The following CNDP2 variants were observed in gnomAD, a reference collection of about 807,000 sequenced individuals.
The protein encoded by CNDP2 is cytosolic non-specific dipeptidase.
In CNDP2, 38 loss-of-function variants were observed where a neutral mutation model predicts 55.0. The ratio of observed to expected loss-of-function variants is 0.69; its 90% CI spans 0.53 to 0.90. CNDP2 has a LOEUF of 0.90. Ranked by LOEUF, CNDP2 falls within the 40% of genes least tolerant of loss-of-function variation. CNDP2 has a pLI of 0.00. For synonymous variants in CNDP2, 241 were observed against 260.2 expected, an observed-to-expected ratio of 0.93 and a Z score of 0.71; for missense variants, 607 against 621.7, an observed-to-expected ratio of 0.98 and a Z score of 0.25.
In CNDP2 at chr18:74,523,184, G is replaced by A. The variant is rs1226110815; in HGVS notation, c.*3116G>A. 3 of 152,238 alleles carry A rather than the reference G, an allele frequency of 2.0e-5. No homozygotes were observed. In the East Asian group the frequency reaches 5.8e-4, roughly 29 times the overall value. 9.4% of individuals were successfully genotyped at this position (152,238 alleles called of 1,614,324 possible). The stretch of plus-strand genomic sequence containing the variant: ...ACTGCTTTATGTTAGAAGCTGAGCT[G>A]GCATGCCACTAGCTGGTTTTGATGT... On this transcript the variant is annotated 3_prime_UTR_variant, in exon 12 of 12. Coordinates refer to ENST00000324262, the MANE Select transcript of CNDP2 (RefSeq NM_018235.3).
chr18:74,511,544 T>TA (rs542260175), intron 6 of CNDP2, among the ~76,000 whole-genome samples: 176 of 151,908 alleles, frequency 1.2e-3, no homozygotes, highest in African/African-American at 4.2e-3. Flanking sequence ...CCGTCTCCAC[T>TA]AAAAATACAA....
intron 1 of CNDP2, among the ~76,000 whole-genome samples, chr18:74,497,295 C>T (rs1256012605): frequency 6.6e-6 from 1 of 152,156 alleles, no homozygotes; most frequent in African/African-American, 2.4e-5. Context: ...CTAGCTTGGG[C>T]AGATTGGAGA....
At position 74,521,327 on chromosome 18, in the gene CNDP2, G is replaced by C. The variant is rs1034648914; in HGVS notation, c.*1259G>C. On this transcript the variant is annotated 3_prime_UTR_variant, in exon 12 of 12. Coordinates refer to ENST00000324262, the MANE Select transcript of CNDP2 (RefSeq NM_018235.3). The stretch of plus-strand genomic sequence containing the variant: ...CCTGCATGTTCCGAGAAGTGTCCCT[G>C]TCTCTGCTCCTTAACGGCTGTGGGG... 4.0e-5 allele frequency: 1 copy of C among 25,084 alleles called. No homozygotes were observed. The highest frequency in any genetic ancestry group is 1.3e-4 in the Non-Finnish European group (1 of 7,810). 1.6% of individuals were successfully genotyped at this position (25,084 alleles called of 1,614,324 possible).
intron 5 of CNDP2, 37 bp downstream of exon 5, chr18:74,508,965 G>A (rs1229510167): frequency 7.1e-6 from 11 of 1,557,062 alleles, no homozygotes; most frequent in Non-Finnish European, 9.7e-6. Flanking sequence ...TGAGTCCTGG[G>A]TTCCATCTGA....
Position 74,519,101 on chromosome 18 carries a change from G to A in CNDP2, c.1358+5G>A. On this transcript the variant is annotated splice_donor_5th_base_variant and intron_variant, in intron 11 of 11. Transcript: ENST00000324262. ...CCAGAATGAAAAGCTCAACAGGTGA[G>A]AGTCCAGGGTGCGGCCCAGGTTGGC... 6.9e-6 allele frequency: 11 copies of A among 1,604,378 alleles called. No individual in the cohort carries two copies. Among genetic ancestry groups the A allele is most frequent in the Non-Finnish European group, 9.4e-6 (11 of 1,172,652 alleles).
chr18:74,501,527 G>C (rs1978700289), intron 3 of CNDP2, 55 bp downstream of exon 3: 1 of 1,542,138 alleles, frequency 6.5e-7, no homozygotes. Flanking sequence ...TGCCTGAGGG[G>C]TTGACAAGAC....
intron 3 of CNDP2, among the ~76,000 whole-genome samples, chr18:74,502,474 T>G (rs1347530665): frequency 6.9e-6 from 1 of 144,690 alleles, no homozygotes; most frequent in Non-Finnish European, 1.5e-5. Context: ...GTCTTTTTGG[T>G]TTTTTTTTTT....
rs763927025 is a variant in CNDP2, at chr18:74,499,935, A to G, written c.-39A>G. The stretch of plus-strand genomic sequence containing the variant: ...GACTGACCAGTTGCTCTTCCTTCCA[A>G]GAACCTTCGAGATCTGCGGTCTGGG... On this transcript the variant is annotated 5_prime_UTR_variant, in exon 2 of 12. Transcript: ENST00000324262. 11 of 1,605,076 alleles carry G rather than the reference A, an allele frequency of 6.9e-6. No homozygotes were observed. The highest frequency in any genetic ancestry group is 3.3e-5 in the Admixed American group (2 of 59,806).
intron 7 of CNDP2, among the ~76,000 whole-genome samples, chr18:74,513,101 C>T (rs1018016215): frequency 2.0e-5 from 3 of 152,248 alleles, no homozygotes; most frequent in East Asian, 1.9e-4. Context: ...GTTTACCCCC[C>T]TCAGCTCAGG....
intron 7 of CNDP2, among the ~76,000 whole-genome samples, chr18:74,513,136 G>C (rs1437510863): frequency 6.6e-6 from 1 of 152,224 alleles, no homozygotes; most frequent in Non-Finnish European, 1.5e-5. Flanking sequence ...TGTGGAATGC[G>C]CATTAAAAAG....
chr18:74,504,917 T>C (rs1978924761), intron 3 of CNDP2: 1 of 152,160 alleles, frequency 6.6e-6, no homozygotes, highest in Non-Finnish European at 1.5e-5. Flanking sequence ...TGACCTGATG[T>C]GAAAACTGGA....
chr18:74,516,092 C>A, intron 8 of CNDP2, 136 bp from the exon 9 acceptor site: 1 of 921,756 alleles, frequency 1.1e-6, no homozygotes, highest in South Asian at 1.7e-5. Flanking sequence ...GACCTCCTGC[C>A]TGTGGTTGTC....
rs1483434954 is a variant in CNDP2 at position 74,522,087 on chromosome 18, T to C, written c.*2019T>C. 1 of 152,212 alleles carries C rather than the reference T, an allele frequency of 6.6e-6. No individual in the cohort carries two copies. Among genetic ancestry groups the C allele is most frequent in the Non-Finnish European group, 1.5e-5 (1 of 68,040 alleles). The allele number at this position is 152,212 out of a possible 1,614,324, so 9.4% of individuals were successfully genotyped here. ...AGTTGGTTTTACGTGGATGTTAATC[T>C]CTTAGTTTTGATCATTGTGCTGTAG... On this transcript the variant is annotated 3_prime_UTR_variant, in exon 12 of 12. Transcript: ENST00000324262.
chr18:74,514,774 T>C (rs1452308478), intron 8 of CNDP2, among the ~76,000 whole-genome samples: 1 of 152,156 alleles, frequency 6.6e-6, no homozygotes. Context: ...GGTTATGCAG[T>C]ATAGATGAAA....
At position 74,496,377 on chromosome 18, in the gene CNDP2, G is replaced by T. The variant is rs1258074604; in HGVS notation, c.-147G>T. 1 of 152,340 alleles carries T rather than the reference G, an allele frequency of 6.6e-6. No individual in the cohort carries two copies. Among genetic ancestry groups the T allele is most frequent in the Non-Finnish European group, 1.5e-5 (1 of 68,144 alleles). The allele number at this position is 152,340 out of a possible 1,614,324, so 9.4% of individuals were successfully genotyped here. Reference sequence around the variant, plus strand: ...TGGCCGGGACACGTGGTACGGAACCGGCGCCGCGCTTGCTGCTGGTAACAG... The same window carrying T: ...TGGCCGGGACACGTGGTACGGAACCTGCGCCGCGCTTGCTGCTGGTAACAG... On this transcript the variant is annotated 5_prime_UTR_variant, in exon 1 of 12. Transcript: ENST00000324262.
intron 7 of CNDP2, among the ~76,000 whole-genome samples, chr18:74,512,965 G>C (rs1048745335): frequency 6.6e-6 from 1 of 152,208 alleles, no homozygotes; most frequent in Non-Finnish European, 1.5e-5. Context: ...AGCCCATCGT[G>C]CTGTTCCCGG....
At chr18:74,508,783 G>A (rs571587043) in intron 4 of CNDP2, 57 bp from the exon 5 acceptor site, 11 of 1,440,336 alleles carry the variant, frequency 7.6e-6, no homozygotes, top group South Asian at 6.9e-5. Context: ...CCTGAGACAC[G>A]CTGCTTCTGG....
intron 10 of CNDP2, 31 bp downstream of exon 10, chr18:74,518,671 G>A (rs200956877): frequency 4.3e-5 from 69 of 1,613,282 alleles, no homozygotes; most frequent in Middle Eastern, 3.6e-4. Flanking sequence ...ATGATGCCGC[G>A]CAGGGCCCTT....
chr18:74,513,405 C>T (rs904233589), intron 7 of CNDP2, among the ~76,000 whole-genome samples, 154 bp from the exon 8 acceptor site: 1 of 152,076 alleles, frequency 6.6e-6, no homozygotes, highest in Admixed American at 6.5e-5. Context: ...TCTGTGGACG[C>T]TTGTGGCTGC....
Sources: allele counts gnomAD v4.1 joint callset (sites outside exome capture counted in the v4.1 genomes callset), GRCh38; gene constraint gnomAD v4.1.1; transcripts MANE v1.5; gene names NCBI Gene and HGNC (gene_info 2026-07-23, HGNC 2026-07-21).